The following TMEM232 variants were observed in gnomAD, a reference collection of about 807,000 sequenced individuals.
The protein encoded by TMEM232 is transmembrane protein 232.
TMEM232 carries 80 observed loss-of-function variants against 78.8 expected under a neutral mutation model. That is an observed-to-expected ratio of 1.01 (90% CI 0.85 to 1.22). The LOEUF (loss-of-function observed/expected upper bound fraction) is 1.22. TMEM232 is among the 50% of genes most tolerant of loss of function. The pLI is 0.00. For missense variants in TMEM232, 881 were observed against 742.2 expected (o/e 1.19, Z -2.17); for synonymous variants, 297 against 254.3 (o/e 1.17, Z -1.60).
intron 10 of TMEM232, among the ~76,000 whole-genome samples, chr5:110,580,328 A>T (rs1034206203): frequency 6.6e-6 from 1 of 151,344 alleles, no homozygotes; most frequent in Non-Finnish European, 1.5e-5. Flanking sequence ...TTAGAGACAC[A>T]AACAGTTAGC....
At chr5:110,646,900 A>C (rs1787563604) in intron 2 of TMEM232, among the ~76,000 whole-genome samples, 1 of 151,798 alleles carries the variant, frequency 6.6e-6, no homozygotes, top group East Asian at 1.9e-4. Context: ...TTCTCAAAAG[A>C]CCACATACAG....
rs1168490482 is a variant in TMEM232, at chr5:110,561,598, C to T, written c.1455+6849G>A. 8.5e-5 allele frequency among the ~76,000 whole-genome samples: 13 copies of T among 152,158 alleles called. No individual in the cohort carries two copies. In the South Asian group the frequency reaches 2.7e-3, roughly 32 times the overall value. On this transcript the variant is annotated intron_variant, in intron 11 of 13. Transcript: ENST00000455884. ...ACTGAAATCCCATTTATGCAGCTTT[C>T]TATCAAAAACCCTTTTGTATGTAAA...
In TMEM232 at chr5:110,625,257, G is replaced by T. The variant is rs372392020; in HGVS notation, c.768+10C>A. On this transcript the variant is annotated intron_variant, in intron 7 of 13. Coordinates refer to ENST00000455884, the MANE Select transcript of TMEM232 (RefSeq NM_001039763.4). ...GCAACAGGATATACCCACCATACCAGATTACTCACCATATCAGAATCTGTG... is the reference window on the plus strand; with the variant it reads ...GCAACAGGATATACCCACCATACCATATTACTCACCATATCAGAATCTGTG... The T allele has an allele frequency of 3.3e-6, 5 of 1,516,298 alleles. No individual in the cohort carries two copies. Among genetic ancestry groups the T allele is most frequent in the Middle Eastern group, 1.7e-4 (1 of 5,812 alleles). The allele number at this position is 1,516,298 out of a possible 1,614,324, so 93.9% of individuals were successfully genotyped here. A position where few individuals can be genotyped will look rare whatever the true frequency, so the allele number is the denominator to read the frequency against.
intron 10 of TMEM232, among the ~76,000 whole-genome samples, chr5:110,571,871 G>A (rs574619868): frequency 2.0e-5 from 3 of 151,972 alleles, no homozygotes; most frequent in African/African-American, 2.4e-5. Context: ...AGATTAAATC[G>A]TAGATGTTTG....
intron 4 of TMEM232, among the ~76,000 whole-genome samples, chr5:110,388,808 T>C (rs1261877971): frequency 3.9e-5 from 6 of 152,106 alleles, no homozygotes; most frequent in Admixed American, 2.6e-4. Context: ...ACATGCAGAA[T>C]CGGGGTGGGG....
chr5:110,675,963 C>G (rs1442108835), intron 1 of TMEM232, among the ~76,000 whole-genome samples: 2 of 152,200 alleles, frequency 1.3e-5, no homozygotes, highest in East Asian at 1.9e-4. Flanking sequence ...TCATCCTACT[C>G]TCTGCTTCTA....
Position 110,550,413 on chromosome 5 carries a change from C to T in TMEM232, c.1455+18034G>A, listed in dbSNP as rs1169527485. On this transcript the variant is annotated intron_variant, in intron 11 of 13. Coordinates refer to ENST00000455884, the MANE Select transcript of TMEM232 (RefSeq NM_001039763.4). ...TCATTCAGTCCTGTACTAAAAGTGG[C>T]TAAACAGTAAAATAAGATAAGAAAA... is the stretch of plus-strand genomic sequence containing the variant. 2.6e-5 allele frequency among the ~76,000 whole-genome samples: 4 copies of T among 151,800 alleles called. No homozygotes were observed. The East Asian group carries it at 7.8e-4, about 29-fold the overall frequency.
rs1037894168 is a variant in TMEM232 at position 110,549,621 on chromosome 5, A to C, written c.1455+18826T>G. 7.7e-4 allele frequency among the ~76,000 whole-genome samples: 116 copies of C among 151,440 alleles called. 1 individual carries two copies. Among genetic ancestry groups the C allele is most frequent in the Admixed American group, 1.4e-3 (22 of 15,224 alleles). The stretch of plus-strand genomic sequence containing the variant: ...TCCCTGTCTCAAAAAAAAAAAAAAA[A>C]AAAAAAAAAGACTGAGAAGTTCATA... On this transcript the variant is annotated intron_variant, in intron 11 of 13. Transcript: ENST00000455884.
chr5:110,494,440 A>C (rs1336956818), intron 12 of TMEM232, among the ~76,000 whole-genome samples: 2 of 152,134 alleles, frequency 1.3e-5, no homozygotes, highest in Non-Finnish European at 2.9e-5. Context: ...AACCAGTTCT[A>C]TAGTACTACA....
intron 12 of TMEM232, among the ~76,000 whole-genome samples, chr5:110,474,354 A>G (rs1209169577): frequency 6.6e-6 from 1 of 151,940 alleles, no homozygotes; most frequent in Non-Finnish European, 1.5e-5. Context: ...AAGATTTTTT[A>G]AAACCTACAG....
chr5:110,530,229 G>T (rs1056823189), intron 11 of TMEM232, among the ~76,000 whole-genome samples: 1 of 152,150 alleles, frequency 6.6e-6, no homozygotes, highest in Non-Finnish European at 1.5e-5. Flanking sequence ...TTAAAGTAAT[G>T]AGAAAAATAG....
At chr5:110,571,498 T>C (rs1359531137) in intron 10 of TMEM232, among the ~76,000 whole-genome samples, 3 of 151,740 alleles carry the variant, frequency 2.0e-5, no homozygotes, top group Non-Finnish European at 4.4e-5. Context: ...GGATCTCAAA[T>C]GAAGCTAAGG....
At chr5:110,555,692 A>C (rs1426800466) in intron 11 of TMEM232, among the ~76,000 whole-genome samples, 1 of 152,136 alleles carries the variant, frequency 6.6e-6, no homozygotes, top group Non-Finnish European at 1.5e-5. Context: ...GTGTTGGGTA[A>C]ATAGGTATTT....
At chr5:110,676,443 T>C (rs912541532) in intron 1 of TMEM232, among the ~76,000 whole-genome samples, 1 of 151,942 alleles carries the variant, frequency 6.6e-6, no homozygotes, top group Admixed American at 6.6e-5. Flanking sequence ...TCACCCAGGC[T>C]GGAGTGCACT....
In TMEM232 at chr5:110,709,339, C is replaced by T. The variant is rs536674106; in HGVS notation, c.-13+17288G>A. ...TAGACACATCTTCCAAACAGAAAAT[C>T]GACAAAGAAACATCAAATTTAATTA... is the stretch of plus-strand genomic sequence containing the variant. On this transcript the variant is annotated intron_variant, in intron 1 of 13. Coordinates refer to ENST00000455884, the MANE Select transcript of TMEM232 (RefSeq NM_001039763.4). Among the ~76,000 whole-genome samples, 30 of 152,030 alleles carry T rather than the reference C, an allele frequency of 2.0e-4. 1 individual carries two copies. Among genetic ancestry groups the T allele is most frequent in the Admixed American group, 8.5e-4 (13 of 15,240 alleles).
chr5:110,520,365 T>C (rs1427656126), intron 12 of TMEM232, among the ~76,000 whole-genome samples: 1 of 152,068 alleles, frequency 6.6e-6, no homozygotes, highest in East Asian at 1.9e-4. Flanking sequence ...TAGATCATTC[T>C]GAACTTCTGA....
At chr5:110,659,462 G>A (rs377269065) in intron 2 of TMEM232, among the ~76,000 whole-genome samples, 1 of 152,136 alleles carries the variant, frequency 6.6e-6, no homozygotes, top group Non-Finnish European at 1.5e-5. Flanking sequence ...ACTTACAGGT[G>A]CCTGGGAGAG....
intron 11 of TMEM232, among the ~76,000 whole-genome samples, chr5:110,545,700 G>A (rs1290490014): frequency 6.6e-6 from 1 of 152,128 alleles, no homozygotes; most frequent in East Asian, 1.9e-4. Flanking sequence ...AACAAATTTT[G>A]TTTTAAAGAT....
chr5:110,463,799 C>T (rs1283834823), intron 12 of TMEM232, among the ~76,000 whole-genome samples: 1 of 152,176 alleles, frequency 6.6e-6, no homozygotes, highest in African/African-American at 2.4e-5. Context: ...CTACTCCACA[C>T]CCTCCATTGC....
Sources: allele counts gnomAD v4.1 joint callset (sites outside exome capture counted in the v4.1 genomes callset), GRCh38; gene constraint gnomAD v4.1.1; transcripts MANE v1.5; gene names NCBI Gene and HGNC (gene_info 2026-07-23, HGNC 2026-07-21).